CCND3: variants seen among roughly 807,000 people sequenced by gnomAD.
The protein encoded by CCND3 is cyclin D3.
CCND3 carries 9 observed loss-of-function variants against 28.7 expected under a neutral mutation model. The observed-to-expected ratio is 0.31, with a 90% CI of 0.19 to 0.55. The LOEUF (loss-of-function observed/expected upper bound fraction) is 0.55. Ranked by LOEUF, CCND3 falls within the 20% of genes least tolerant of loss-of-function variation. The probability of loss-of-function intolerance (pLI) is 0.93; values close to 1 mark genes in which losing one functional copy is unlikely to be tolerated. For synonymous variants in CCND3, 164 were observed against 163.9 expected, an observed-to-expected ratio of 1.00 and a Z score of 0.00; for missense variants, 315 against 385.8, an observed-to-expected ratio of 0.82 and a Z score of 1.54.
chr6:41,947,563 T>C (rs575083290), intron 1 of CCND3, among the ~76,000 whole-genome samples: 4 of 152,368 alleles, frequency 2.6e-5, no homozygotes, highest in East Asian at 1.9e-4. Flanking sequence ...CCCCACACTC[T>C]GATCAGCAGA....
chr6:42,006,559 A>G (rs925865992), intron 1 of CCND3, among the ~76,000 whole-genome samples: 6 of 152,216 alleles, frequency 3.9e-5, no homozygotes, highest in African/African-American at 1.4e-4. Context: ...CAACTTCATT[A>G]TTAATAGATG....
chr6:42,009,697 C>A (rs1258733327), intron 1 of CCND3, among the ~76,000 whole-genome samples: 1 of 152,172 alleles, frequency 6.6e-6, no homozygotes, highest in Non-Finnish European at 1.5e-5. Flanking sequence ...GTCCCAGCTA[C>A]TCGGGAGGCT....
chr6:41,951,956 T>G (rs2127400299), intron 1 of CCND3, among the ~76,000 whole-genome samples: 1 of 152,128 alleles, frequency 6.6e-6, no homozygotes, highest in East Asian at 1.9e-4. Context: ...GAGACGCGGT[T>G]TCACCATGTT....
intron 1 of CCND3, among the ~76,000 whole-genome samples, chr6:41,979,426 C>T (rs1036235874): frequency 1.4e-5 from 2 of 146,148 alleles, no homozygotes; most frequent in East Asian, 2.1e-4. Flanking sequence ...CCCAGCTACT[C>T]GGGAGGCTGA....
intron 1 of CCND3, among the ~76,000 whole-genome samples, chr6:42,026,512 T>C (rs1431771536): frequency 1.3e-5 from 2 of 152,126 alleles, no homozygotes; most frequent in Non-Finnish European, 2.9e-5. Flanking sequence ...GAAGTCCAGC[T>C]GGGAACATTT....
Position 41,941,654 on chromosome 6 carries a change from G to T in CCND3, c.-5C>A. On this transcript the variant is annotated 5_prime_UTR_variant, in exon 1 of 5. Transcript: ENST00000372991. The surrounding 1 kb of genome is among the most constrained non-coding windows in gnomAD (Gnocchi z 6.1). ...TTCGCAACACAGCAGCTCCATACTC[G>T]GGCAGCGAACAGGCAGGGCGGGAGT... 1 of 1,433,530 alleles carries T rather than the reference G, an allele frequency of 7.0e-7. No homozygotes were observed. The highest frequency in any genetic ancestry group is 1.4e-5 in the South Asian group (1 of 71,890). The allele number at this position is 1,433,530 out of a possible 1,614,324, so 88.8% of individuals were successfully genotyped here. A position where few individuals can be genotyped will look rare whatever the true frequency, so the allele number is the denominator to read the frequency against.
chr6:42,045,083 C>T lies in CCND3; in HGVS notation c.-46+3418G>A, dbSNP rs879320118. On this transcript the variant is annotated intron_variant, in intron 1 of 4. Coordinates refer to the CCND3 transcript ENST00000372988. ...CCTCCCAAAGTGCTGGGATTACAGG[C>T]GTGAGCCACTGTGCCCAGTGGCTAT... 7.1e-4 allele frequency among the ~76,000 whole-genome samples: 108 copies of T among 151,488 alleles called. 1 individual carries two copies. Among genetic ancestry groups the T allele is most frequent in the Admixed American group, 1.4e-3 (21 of 15,192 alleles).
At chr6:41,993,493 C>A (rs1762713821) in intron 1 of CCND3, among the ~76,000 whole-genome samples, 1 of 149,428 alleles carries the variant, frequency 6.7e-6, no homozygotes, top group South Asian at 2.1e-4. Flanking sequence ...CTCACTGCAG[C>A]CTCTGCCTCC....
chr6:41,988,199 G>C (rs1033627561), intron 1 of CCND3, among the ~76,000 whole-genome samples: 5 of 151,924 alleles, frequency 3.3e-5, no homozygotes, highest in African/African-American at 9.7e-5. Flanking sequence ...CCAGCTACTC[G>C]GGAGGCTGAG....
rs1387672591 is a variant in CCND3 at position 41,938,158 on chromosome 6, A to C, written c.415-764T>G. The C allele has an allele frequency of 6.6e-6, 1 of 151,958 alleles. No individual in the cohort carries two copies. The highest frequency in any genetic ancestry group is 1.5e-5 in the Non-Finnish European group (1 of 68,018). 9.4% of individuals were successfully genotyped at this position (151,958 alleles called of 1,614,324 possible). A position where few individuals can be genotyped will look rare whatever the true frequency, so the allele number is the denominator to read the frequency against. Reference sequence around the variant, plus strand: ...GATCAAGCCCTATCCTCACCTACCCAAGCCTACCTGCCAGTACTAGGTCTC... The same window carrying C: ...GATCAAGCCCTATCCTCACCTACCCCAGCCTACCTGCCAGTACTAGGTCTC... On this transcript the variant is annotated intron_variant, in intron 2 of 4. Coordinates refer to ENST00000372991, the MANE Select transcript of CCND3 (RefSeq NM_001760.5). This position sits in a 1 kb window ranked among gnomAD's most constrained non-coding sequence, Gnocchi z 4.6.
chr6:41,936,725 G>A lies in CCND3; in HGVS notation c.575-30C>T, dbSNP rs755442781. On this transcript the variant is annotated intron_variant, in intron 3 of 4. Transcript: ENST00000372991. The surrounding 1 kb of genome is among the most constrained non-coding windows in gnomAD (Gnocchi z 4.4). ...GAGAGGAGGAAAGGGAACCATGAGA[G>A]AAGGAAACCTGAAGGATAACGGCCA... 2 of 1,606,318 alleles carry A rather than the reference G, an allele frequency of 1.2e-6. No homozygotes were observed. The highest frequency in any genetic ancestry group is 2.7e-5 in the African/African-American group (2 of 74,854).
At chr6:42,034,962 A>G (rs1253792536) in intron 1 of CCND3, among the ~76,000 whole-genome samples, 1 of 152,108 alleles carries the variant, frequency 6.6e-6, no homozygotes, top group Non-Finnish European at 1.5e-5. Context: ...AGGTCCACCC[A>G]TTATTTCCCC....
At chr6:42,039,989 C>T (rs529619075) in intron 1 of CCND3, among the ~76,000 whole-genome samples, 2 of 152,244 alleles carry the variant, frequency 1.3e-5, no homozygotes, top group African/African-American at 4.8e-5. Flanking sequence ...CAGTCAGGGG[C>T]CTACCAGCCT....
chr6:42,025,877 C>T lies in CCND3; in HGVS notation c.-46+22624G>A, dbSNP rs550397891. 9.9e-5 allele frequency among the ~76,000 whole-genome samples: 15 copies of T among 152,276 alleles called. No homozygotes were observed. In the Middle Eastern group the frequency reaches 0.01, roughly 104 times the overall value. ...TTTCACACACACGGAACATGGTACC[C>T]GGTGTATCCATGGTAAGCACTTAAT... On this transcript the variant is annotated intron_variant, in intron 1 of 4. Transcript: ENST00000372988.
chr6:41,993,270 C>G (rs1355572220), intron 1 of CCND3, among the ~76,000 whole-genome samples: 1 of 152,124 alleles, frequency 6.6e-6, no homozygotes. Flanking sequence ...TATATTCCCA[C>G]CAACCGTCTA....
chr6:42,044,324 T>G (rs1005047496), intron 1 of CCND3, among the ~76,000 whole-genome samples: 1 of 152,110 alleles, frequency 6.6e-6, no homozygotes, highest in African/African-American at 2.4e-5. Context: ...AGTCAGCGCC[T>G]GAAGAACCCG....
At chr6:41,958,816 G>A (rs778111164) in intron 1 of CCND3, among the ~76,000 whole-genome samples, 16 of 152,254 alleles carry the variant, frequency 1.1e-4, no homozygotes, top group Non-Finnish European at 2.2e-4. Context: ...GTCTCAGTTC[G>A]GAAACAAGTG....
chr6:42,024,073 C>T (rs536109303), intron 1 of CCND3, among the ~76,000 whole-genome samples: 31 of 152,122 alleles, frequency 2.0e-4, no homozygotes, highest in Non-Finnish European at 4.1e-4. Context: ...TTATCTCCAA[C>T]TTACAGATAA....
intron 1 of CCND3, among the ~76,000 whole-genome samples, chr6:41,960,799 T>G (rs1761698217): frequency 6.6e-6 from 1 of 152,198 alleles, no homozygotes; most frequent in Non-Finnish European, 1.5e-5. Flanking sequence ...CAAGATGTTC[T>G]CCTTAAAAGG....
Sources: allele counts gnomAD v4.1 joint callset (sites outside exome capture counted in the v4.1 genomes callset), GRCh38; gene constraint gnomAD v4.1.1; non-coding constraint Gnocchi (gnomAD v3.1); transcripts MANE v1.5; gene names NCBI Gene and HGNC (gene_info 2026-07-23, HGNC 2026-07-21).